The following TENM4 variants were observed in gnomAD, a reference collection of about 807,000 sequenced individuals.
TENM4 encodes the protein teneurin transmembrane protein 4, also known as teneurin-4.
In TENM4, 82 loss-of-function variants were observed where a neutral mutation model predicts 243.3. The observed-to-expected ratio is 0.34, with a 90% CI of 0.28 to 0.40. TENM4 has a LOEUF of 0.40. Ranked by LOEUF, TENM4 falls within the 10% of genes least tolerant of loss-of-function variation. The pLI, the probability that TENM4 is intolerant of heterozygous loss-of-function variation, is 1.00. For synonymous variants in TENM4, 1,412 were observed against 1,456.3 expected, an observed-to-expected ratio of 0.97 and a Z score of 0.69; for missense variants, 3,138 against 3,673.3, an observed-to-expected ratio of 0.85 and a Z score of 3.77.
In TENM4 at chr11:78,814,222, C is replaced by T. The variant is rs1857558212; in HGVS notation, c.1783+72G>A. ...AGGTGGGCTGGATTCTGCACTTGCT[C>T]TGAGAAGTAGAAGTGAGCTGCCTGA... On this transcript the variant is annotated intron_variant, in intron 13 of 33. Coordinates refer to ENST00000278550, the MANE Select transcript of TENM4 (RefSeq NM_001098816.3). 6 of 1,436,800 alleles carry T rather than the reference C, an allele frequency of 4.2e-6. No individual in the cohort carries two copies. In the South Asian group the frequency reaches 7.6e-5, roughly 18 times the overall value. The allele number at this position is 1,436,800 out of a possible 1,614,324, so 89.0% of individuals were successfully genotyped here. A position where few individuals can be genotyped will look rare whatever the true frequency, so the allele number is the denominator to read the frequency against.
chr11:78,688,253 A>G (rs770430884), intron 28 of TENM4, 27 bp from the exon 29 acceptor site: 1 of 1,602,480 alleles, frequency 6.2e-7, no homozygotes, highest in Non-Finnish European at 8.5e-7. Context: ...GGCACTGAGT[A>G]GTAGAAATAT....
intron 1 of TENM4, among the ~76,000 whole-genome samples, chr11:79,311,759 T>G (rs1856725584): frequency 6.6e-6 from 1 of 152,162 alleles, no homozygotes; most frequent in South Asian, 2.1e-4. Flanking sequence ...CATCCCTGCC[T>G]CTACACCTTT....
At chr11:79,012,964 G>A (rs1048442439) in intron 6 of TENM4, among the ~76,000 whole-genome samples, 12 of 152,310 alleles carry the variant, frequency 7.9e-5, no homozygotes, top group East Asian at 1.9e-4. Context: ...AGACCAAAGA[G>A]AGGAGTCCAG....
chr11:78,898,072 G>C (rs931128381), intron 7 of TENM4, among the ~76,000 whole-genome samples: 4 of 152,208 alleles, frequency 2.6e-5, no homozygotes, highest in African/African-American at 9.6e-5. Context: ...AAGTGGATCA[G>C]GGTTTGGGGG....
chr11:78,832,238 C>T (rs1858001675), intron 12 of TENM4, among the ~76,000 whole-genome samples: 1 of 152,234 alleles, frequency 6.6e-6, no homozygotes, highest in East Asian at 1.9e-4. Flanking sequence ...TTGGTCCACC[C>T]TAGTCTATAG....
At chr11:78,909,912 C>T (rs922143887) in intron 6 of TENM4, among the ~76,000 whole-genome samples, 1 of 152,044 alleles carries the variant, frequency 6.6e-6, no homozygotes, top group Admixed American at 6.5e-5. Flanking sequence ...GGTGGGGGGT[C>T]ACATTAGTAT....
chr11:79,295,928 C>CACACAT (rs1856444569), intron 2 of TENM4, among the ~76,000 whole-genome samples: 2 of 150,978 alleles, frequency 1.3e-5, no homozygotes, highest in Non-Finnish European at 3.0e-5. Flanking sequence ...CACACACACA[C>CACACAT]ACACTCCCCC....
In TENM4 at chr11:78,672,161, G is replaced by A. The variant is rs1303941784; in HGVS notation, c.5665C>T (p.Pro1889Ser). 1 of 1,613,804 alleles carries A rather than the reference G, an allele frequency of 6.2e-7. No homozygotes were observed. The highest frequency in any genetic ancestry group is 8.5e-7 in the Non-Finnish European group (1 of 1,179,842). Residue 1889 changes from proline (P) to serine (S), a missense_variant, in exon 31 of 34, where the codon CCT (proline) becomes TCT (serine). Physicochemically the swap from Pro to Ser is moderately conservative, Grantham distance 74 (BLOSUM62 -1). Coordinates refer to ENST00000278550, the MANE Select transcript of TENM4 (RefSeq NM_001098816.3). ...RLNGVNVTYS[P>S]GGYIAGIQRG... is the part of the protein sequence containing the mutation. The stretch of plus-strand genomic sequence containing the variant: ...TGGATGCCAGCAATGTAACCCCCAG[G>A]GGAGTATGTCACGTTGACACCATTC...
chr11:79,408,759 T>C (rs565516339), intron 1 of TENM4, among the ~76,000 whole-genome samples: 1 of 152,168 alleles, frequency 6.6e-6, no homozygotes, highest in Non-Finnish European at 1.5e-5. Flanking sequence ...TGGTGGCTGA[T>C]GAAAAAGGAA....
At chr11:78,702,648 C>T (rs1859136631) in intron 27 of TENM4, among the ~76,000 whole-genome samples, 1 of 152,144 alleles carries the variant, frequency 6.6e-6, no homozygotes, top group Non-Finnish European at 1.5e-5. Flanking sequence ...GAGTTAACAA[C>T]AACAAAATAG....
intron 32 of TENM4, among the ~76,000 whole-genome samples, chr11:78,664,532 T>C (rs1324750162): frequency 6.6e-6 from 1 of 152,204 alleles, no homozygotes; most frequent in Non-Finnish European, 1.5e-5. Flanking sequence ...GCAGATTTAA[T>C]GTGTTTTGAA....
intron 2 of TENM4, among the ~76,000 whole-genome samples, chr11:79,275,194 G>T (rs1231799878): frequency 1.3e-5 from 2 of 152,002 alleles, no homozygotes; most frequent in Non-Finnish European, 2.9e-5. Context: ...AATCCTCAAA[G>T]AAGTTAGAAG....
At chr11:78,801,223 CG>C (rs1297496826) in intron 15 of TENM4, among the ~76,000 whole-genome samples, 1 of 152,072 alleles carries the variant, frequency 6.6e-6, no homozygotes, top group Middle Eastern at 3.2e-3. Context: ...AGTCATTCCC[CG>C]CTTCCAACTC....
At chr11:79,118,917 C>T (rs1861677797) in intron 4 of TENM4, among the ~76,000 whole-genome samples, 1 of 152,146 alleles carries the variant, frequency 6.6e-6, no homozygotes, top group South Asian at 2.1e-4. Context: ...TTTTGGGTTC[C>T]ACTCAGAAGT....
In TENM4 at chr11:79,171,033, G is replaced by A. The variant is rs1010275373; in HGVS notation, c.-162-22227C>T. ...ACTGTGCTATAACTCCCCCAGCCCC[G>A]TGAGTATGATGTTGAAGCATCTTTT... On this transcript the variant is annotated intron_variant, in intron 3 of 33. Coordinates refer to ENST00000278550, the MANE Select transcript of TENM4 (RefSeq NM_001098816.3). 6.6e-5 allele frequency among the ~76,000 whole-genome samples: 10 copies of A among 152,222 alleles called. No homozygotes were observed. The East Asian group carries it at 9.7e-4, about 15-fold the overall frequency.
At chr11:78,659,613 G>A (rs1278258418) in intron 33 of TENM4, among the ~76,000 whole-genome samples, 1 of 152,200 alleles carries the variant, frequency 6.6e-6, no homozygotes, top group Non-Finnish European at 1.5e-5. Flanking sequence ...GCATAACATG[G>A]TGAGAGGCAG....
intron 2 of TENM4, among the ~76,000 whole-genome samples, chr11:79,245,938 TAAAA>T (rs1199883938): frequency 5.2e-4 from 34 of 64,892 alleles, no homozygotes; most frequent in African/African-American, 1.6e-3. Flanking sequence ...AGACTTTGTC[TAAAA>T]AAAAAAAAAA....
At chr11:78,822,092 C>T (rs1206961414) in intron 12 of TENM4, among the ~76,000 whole-genome samples, 1 of 152,240 alleles carries the variant, frequency 6.6e-6, no homozygotes, top group East Asian at 1.9e-4. Context: ...TTTTCAGTCG[C>T]TGGATGTATT....
At chr11:78,755,495 T>A (rs1047101367) in intron 19 of TENM4, among the ~76,000 whole-genome samples, 3 of 152,134 alleles carry the variant, frequency 2.0e-5, no homozygotes, top group African/African-American at 7.2e-5. Flanking sequence ...TGTGTGCTCA[T>A]GGTTTCAACT....
Sources: allele counts gnomAD v4.1 joint callset (sites outside exome capture counted in the v4.1 genomes callset), GRCh38; gene constraint gnomAD v4.1.1; transcripts MANE v1.5; gene names NCBI Gene and HGNC (gene_info 2026-07-23, HGNC 2026-07-21).